CACNA1C: variants seen among roughly 807,000 people sequenced by gnomAD.
CACNA1C encodes calcium voltage-gated channel subunit alpha1 C, also known as voltage-dependent L-type calcium channel subunit alpha-1C.
CACNA1C carries 30 observed loss-of-function variants against 229.0 expected under a neutral mutation model. The observed-to-expected ratio is 0.13, with a 90% CI of 0.10 to 0.18. The LOEUF (loss-of-function observed/expected upper bound fraction) is 0.18, where lower values mean the gene tolerates loss of function less well. Among genes scored for constraint, CACNA1C ranks in the 10% least tolerant of loss-of-function variants. The probability of loss-of-function intolerance (pLI) is 1.00; values close to 1 mark genes in which losing one functional copy is unlikely to be tolerated. For synonymous variants in CACNA1C, 1,114 were observed against 1,132.5 expected (o/e 0.98, Z 0.33); for missense variants, 1,658 against 2,845.0 (o/e 0.58, Z 9.49).
chr12:2,153,038 G>C (rs563546783), intron 3 of CACNA1C, among the ~76,000 whole-genome samples: 1 of 152,322 alleles, frequency 6.6e-6, no homozygotes, highest in Admixed American at 6.5e-5. Flanking sequence ...GCCTTTCAGT[G>C]GTGGTCACTA....
chr12:2,408,255 A>T (rs539298073), intron 3 of CACNA1C, among the ~76,000 whole-genome samples: 10 of 152,318 alleles, frequency 6.6e-5, no homozygotes, highest in Non-Finnish European at 1.2e-4. Context: ...GATCATGGGG[A>T]TTTATTATTT....
chr12:2,064,353 T>TAGAGATGTGGCTAGA (rs908585059), intron 1 of CACNA1C, among the ~76,000 whole-genome samples: 1 of 152,180 alleles, frequency 6.6e-6, no homozygotes, highest in African/African-American at 2.4e-5. Context: ...GATGTGGGCC[T>TAGAGATGTGGCTAGA]GATAAGCCTG....
At chr12:2,619,336 G>T (rs111316568) in intron 29 of CACNA1C, among the ~76,000 whole-genome samples, 1 of 152,192 alleles carries the variant, frequency 6.6e-6, no homozygotes, top group Non-Finnish European at 1.5e-5. Flanking sequence ...GGATCCCTAC[G>T]CCTGGGGAGT....
In CACNA1C at chr12:2,630,645, A is replaced by C. The variant is rs1262114932; in HGVS notation, c.3829-3652A>C. Among the ~76,000 whole-genome samples the C allele has an allele frequency of 2.0e-5, 3 of 152,138 alleles. No individual in the cohort carries two copies. The highest frequency in any genetic ancestry group is 7.2e-5 in the African/African-American group (3 of 41,432). On this transcript the variant is annotated intron_variant, in intron 29 of 46. Coordinates refer to ENST00000399655, the MANE Select transcript of CACNA1C (RefSeq NM_000719.7). The surrounding 1 kb of genome is among the most constrained non-coding windows in gnomAD (Gnocchi z 5.4). Reference sequence around the variant, plus strand: ...GACGGTGGGAGGATGGGTCAGGGTGAAGAGCTGCCTCTTAAAGGGACCCTG... The same window carrying C: ...GACGGTGGGAGGATGGGTCAGGGTGCAGAGCTGCCTCTTAAAGGGACCCTG...
At chr12:2,247,061 T>C (rs1053889783) in intron 3 of CACNA1C, among the ~76,000 whole-genome samples, 1 of 152,244 alleles carries the variant, frequency 6.6e-6, no homozygotes, top group African/African-American at 2.4e-5. Context: ...CTAAATCAGC[T>C]TCCTTCCTTC....
chr12:2,055,044 C>A (rs1287611987), intron 1 of CACNA1C, among the ~76,000 whole-genome samples: 1 of 152,244 alleles, frequency 6.6e-6, no homozygotes, highest in South Asian at 2.1e-4. Flanking sequence ...TGCTTTCCAG[C>A]ATGGGTGGCA....
rs2062063762 is a variant in CACNA1C at position 2,223,671 on chromosome 12, C to T, written c.477+103241C>T. On this transcript the variant is annotated intron_variant, in intron 3 of 46. Transcript: ENST00000399655. ...GATCTCTCTGACTCTAAGACTCCTGCTCTGAAGTCCTCCATTATCCTTCCT... is the reference window on the plus strand; with the variant it reads ...GATCTCTCTGACTCTAAGACTCCTGTTCTGAAGTCCTCCATTATCCTTCCT... 2.0e-5 allele frequency among the ~76,000 whole-genome samples: 3 copies of T among 152,164 alleles called. No homozygotes were observed. The South Asian group carries it at 6.2e-4, about 32-fold the overall frequency.
chr12:2,218,737 C>CT (rs1175897152), intron 3 of CACNA1C, among the ~76,000 whole-genome samples: 1 of 152,160 alleles, frequency 6.6e-6, no homozygotes, highest in Non-Finnish European at 1.5e-5. Flanking sequence ...TAAGAAGATC[C>CT]TTTTTTTGTT....
At chr12:2,549,399 G>T (rs1346322814) in intron 9 of CACNA1C, among the ~76,000 whole-genome samples, 4 of 152,106 alleles carry the variant, frequency 2.6e-5, no homozygotes, top group Non-Finnish European at 5.9e-5. Flanking sequence ...TCTCAGTTGT[G>T]CTCCTGGGTG....
At chr12:1,998,507 GAATC>G (rs1376004141) in intron 1 of CACNA1C, among the ~76,000 whole-genome samples, 1 of 152,202 alleles carries the variant, frequency 6.6e-6, no homozygotes, top group Non-Finnish European at 1.5e-5. Flanking sequence ...GTTCTCAGAT[GAATC>G]AATCACCTAC....
chr12:2,052,958 A>G (rs187284606), upstream of CACNA1C: 3 of 975,142 alleles, frequency 3.1e-6, no homozygotes, highest in Middle Eastern at 5.3e-4. Context: ...GGCCGGGGGG[A>G]GTGAGCGCGG....
At chr12:2,607,311 G>A (rs1175284001) in intron 26 of CACNA1C, 181 bp downstream of exon 26, 3 of 582,120 alleles carry the variant, frequency 5.2e-6, no homozygotes, top group African/African-American at 1.9e-5. Context: ...TGCTGAAACC[G>A]ACTCTTCTTT....
chr12:2,325,196 C>A (rs2096236557), intron 3 of CACNA1C, among the ~76,000 whole-genome samples: 1 of 152,172 alleles, frequency 6.6e-6, no homozygotes, highest in African/African-American at 2.4e-5. Flanking sequence ...GAGGCACCCA[C>A]CCTCACTACA....
At chr12:2,087,190 A>G (rs1267441610) in intron 1 of CACNA1C, among the ~76,000 whole-genome samples, 1 of 152,154 alleles carries the variant, frequency 6.6e-6, no homozygotes, top group Non-Finnish European at 1.5e-5. Flanking sequence ...GTTTCCCAGC[A>G]GCTGATCCTC....
chr12:2,540,227 G>A (rs1337609348), intron 9 of CACNA1C, among the ~76,000 whole-genome samples: 1 of 152,164 alleles, frequency 6.6e-6, no homozygotes, highest in Admixed American at 6.5e-5. Flanking sequence ...TGGGTCTGAG[G>A]ACAGACTCTC....
upstream of CACNA1C, among the ~76,000 whole-genome samples, chr12:2,049,737 A>G (rs1160783504): frequency 6.6e-6 from 1 of 152,214 alleles, no homozygotes; most frequent in African/African-American, 2.4e-5. Context: ...GGAGAATCAA[A>G]TCATTCAATG....
In CACNA1C at chr12:2,060,306, G is replaced by T. The variant is rs139362435; in HGVS notation, c.49+6695G>T. 3.2e-4 allele frequency among the ~76,000 whole-genome samples: 48 copies of T among 152,264 alleles called. No individual in the cohort carries two copies. In the East Asian group the frequency reaches 9.3e-3, roughly 29 times the overall value. On this transcript the variant is annotated intron_variant, in intron 1 of 46. Transcript: ENST00000399655. The stretch of plus-strand genomic sequence containing the variant: ...CCAGTAGCTGGGGTATAGACACACA[G>T]ATCAGCCCCAGGGTAGAGACTGTGA...
At position 2,069,027 on chromosome 12, in the gene CACNA1C, G is replaced by C. The variant is rs566969134; in HGVS notation, c.49+15416G>C. ...GGTCCTCTGCATTTCTTTGGAGTTT[G>C]ACTTGGCTTTAATAAAATGAAGGAG... On this transcript the variant is annotated intron_variant, in intron 1 of 46. Transcript: ENST00000399655. 3.3e-5 allele frequency among the ~76,000 whole-genome samples: 5 copies of C among 152,346 alleles called. 1 individual carries two copies. The South Asian group carries it at 8.3e-4, about 25-fold the overall frequency.
chr12:2,534,498 A>G (rs1461031182), intron 9 of CACNA1C, among the ~76,000 whole-genome samples: 3 of 152,168 alleles, frequency 2.0e-5, no homozygotes, highest in Non-Finnish European at 4.4e-5. Flanking sequence ...CCAACAACTT[A>G]ACTGTTTCAT....
Sources: allele counts gnomAD v4.1 joint callset (sites outside exome capture counted in the v4.1 genomes callset), GRCh38; gene constraint gnomAD v4.1.1; non-coding constraint Gnocchi (gnomAD v3.1); transcripts MANE v1.5; gene names NCBI Gene and HGNC (gene_info 2026-07-23, HGNC 2026-07-21).